Variants in NOP2 observed in about 807,000 individuals in gnomAD.
The protein encoded by NOP2 is NOP2 nucleolar protein.
NOP2 carries 7 observed loss-of-function variants against 72.7 expected under a neutral mutation model. The observed-to-expected ratio is 0.10, with a 90% CI of 0.05 to 0.18. The LOEUF (loss-of-function observed/expected upper bound fraction) is 0.18. NOP2 is among the 10% of genes least tolerant of loss of function. The pLI, the probability that NOP2 is intolerant of heterozygous loss-of-function variation, is 1.00. For missense variants in NOP2, 954 were observed against 1,014.7 expected, an observed-to-expected ratio of 0.94 and a Z score of 0.81; for synonymous variants, 387 against 388.0, an observed-to-expected ratio of 1.00 and a Z score of 0.03.
At chr12:6,563,816 A>G (rs757322246) in intron 6 of NOP2, 45 bp from the exon 7 acceptor site, 5 of 1,612,498 alleles carry the variant, frequency 3.1e-6, no homozygotes, top group Admixed American at 1.7e-5. Context: ...ACCAAAACAG[A>G]TACCTCCTCC....
At chr12:6,566,507 T>C (rs749990586) in intron 4 of NOP2, 22 bp downstream of exon 4, 21 of 1,609,998 alleles carry the variant, frequency 1.3e-5, no homozygotes, top group Non-Finnish European at 1.7e-5. Context: ...TCATGTAGCA[T>C]CCAGCTCTTA....
intron 5 of NOP2, 22 bp downstream of exon 5, chr12:6,566,079 T>C: frequency 6.3e-7 from 1 of 1,577,394 alleles, no homozygotes; most frequent in Non-Finnish European, 8.7e-7. Flanking sequence ...CTTCTATGAA[T>C]GCCCAAAAAG....
intron 9 of NOP2, among the ~76,000 whole-genome samples, chr12:6,562,372 T>A (rs1486355413): frequency 6.6e-6 from 1 of 152,172 alleles, no homozygotes; most frequent in African/African-American, 2.4e-5. Flanking sequence ...CATAAAAACA[T>A]GGCCCATACC....
intron 15 of NOP2, among the ~76,000 whole-genome samples, chr12:6,559,276 G>T (rs1249532115): frequency 6.6e-6 from 1 of 152,128 alleles, no homozygotes; most frequent in Non-Finnish European, 1.5e-5. Flanking sequence ...CCACCACCAA[G>T]CTCAGCTAAT....
intron 15 of NOP2, chr12:6,557,964 G>A (rs1947540657): frequency 2.8e-6 from 1 of 360,724 alleles, no homozygotes; most frequent in Non-Finnish European, 5.2e-6. Context: ...CCCACATGGT[G>A]AAACCATCTC....
chr12:6,567,632 T>G, intron 2 of NOP2, 184 bp downstream of exon 2: 1 of 527,282 alleles, frequency 1.9e-6, no homozygotes, highest in Non-Finnish European at 3.3e-6. Flanking sequence ...GTCCGTGTCT[T>G]CACATCTCTA....
chr12:6,566,762 G>A lies in NOP2; in HGVS notation c.149+15C>T. The A allele has an allele frequency of 6.2e-7, 1 of 1,612,764 alleles. No homozygotes were observed. Among genetic ancestry groups the A allele is most frequent in the Non-Finnish European group, 8.5e-7 (1 of 1,179,208 alleles). Reference sequence around the variant, plus strand: ...TACCAATTTAACCTACTTAAGTTTTGACACCCACACTTACCTCTTTCGAGC... The same window carrying A: ...TACCAATTTAACCTACTTAAGTTTTAACACCCACACTTACCTCTTTCGAGC... On this transcript the variant is annotated intron_variant, in intron 3 of 15. Transcript: ENST00000322166.
At chr12:6,562,987 G>A in intron 9 of NOP2, 94 bp downstream of exon 9, 1 of 1,255,020 alleles carries the variant, frequency 8.0e-7, no homozygotes, top group Non-Finnish European at 1.1e-6. Context: ...AGGTCCTAAG[G>A]CCCCACCCAG....
intron 5 of NOP2, 84 bp from the exon 6 acceptor site, chr12:6,564,030 G>C (rs1396105969): frequency 6.5e-7 from 1 of 1,547,640 alleles, no homozygotes; most frequent in Non-Finnish European, 8.7e-7. Context: ...TTATTTTTTC[G>C]CTAAATAAAA....
rs556782635 is a variant in NOP2, at chr12:6,561,578, A to G, written c.1207+86T>C. ...TACCTGCACATTGTGTTCCATGAGC[A>G]CTAGTGAGTCAGCAACCCCAGCAAC... On this transcript the variant is annotated intron_variant, in intron 11 of 15. Transcript: ENST00000322166. 6.8e-5 allele frequency: 104 copies of G among 1,536,882 alleles called. No individual in the cohort carries two copies. In the African/African-American group the frequency reaches 1.0e-3, roughly 15 times the overall value.
In NOP2 at chr12:6,566,791, A is replaced by C. The variant is rs544971947; in HGVS notation, c.135T>G (p.Ser45Arg). Residue 45 changes from serine to arginine, a missense_variant, in exon 3 of 16, where the codon AGT becomes AGG. Physicochemically the swap from Ser to Arg is moderately radical, Grantham distance 110. This residue lies in a region of NOP2 where 498 missense variants were observed against 478.3 expected (regional missense o/e 1.04). Transcript: ENST00000322166. Reference protein sequence around the residue: ...VSDENSKRLSSRARKRAAKRR... With the variant: ...VSDENSKRLSRRARKRAAKRR... ...CCCACACTTACCTCTTTCGAGCACG[A>C]CTAGACAGCCTCTTGGAATTTTCGT... 7.7e-5 allele frequency: 124 copies of C among 1,613,384 alleles called. 1 individual carries two copies. The South Asian group carries it at 1.1e-3, about 14-fold the overall frequency.
At chr12:6,563,028 G>T in intron 9 of NOP2, 53 bp downstream of exon 9, 1 of 1,485,608 alleles carries the variant, frequency 6.7e-7, no homozygotes, top group South Asian at 1.2e-5. Flanking sequence ...CTCTGGAGTT[G>T]GCAGAAGTCA....
rs941112314 is a variant in NOP2, at chr12:6,557,536, T to C, written c.1896A>G (p.Thr632=). The stretch of plus-strand genomic sequence containing the variant: ...GTTGCTGTTTCTGCAGCTGCTGCTT[T>C]GTCTTTGCAGCCCCCTTGGCTTTCT... ...PAKKAKGAAK[T]KQQLQKQQHP... is the part of the protein sequence containing the mutation. The change falls in exon 16 of 16, where the codon ACA becomes ACG. Residue 632 remains threonine (T), a synonymous_variant. Transcript: ENST00000322166. The C allele has an allele frequency of 1.9e-6, 3 of 1,613,952 alleles. No individual in the cohort carries two copies. The highest frequency in any genetic ancestry group is 8.5e-7 in the Non-Finnish European group (1 of 1,179,876).
Position 6,563,596 on chromosome 12 carries a change from T to G in NOP2, c.688+18A>C. The G allele has an allele frequency of 1.2e-6, 2 of 1,608,882 alleles. No homozygotes were observed. The highest frequency in any genetic ancestry group is 1.7e-6 in the Non-Finnish European group (2 of 1,176,830). ...AACCACCTTCCTCCTAACTCTTCAC[T>G]CTGCCCTGCAAGGATATCCTGCTCC... is the stretch of plus-strand genomic sequence containing the variant. On this transcript the variant is annotated intron_variant, in intron 7 of 15. Coordinates refer to ENST00000322166, the MANE Select transcript of NOP2 (RefSeq NM_001258308.2).
At chr12:6,565,727 A>C (rs1297576260) in intron 5 of NOP2, among the ~76,000 whole-genome samples, 1 of 152,132 alleles carries the variant, frequency 6.6e-6, no homozygotes, top group Non-Finnish European at 1.5e-5. Flanking sequence ...CTCCTGCCTC[A>C]GCCTCCCAAA....
At chr12:6,562,703 G>T (rs1212065241) in intron 9 of NOP2, among the ~76,000 whole-genome samples, 1 of 152,178 alleles carries the variant, frequency 6.6e-6, no homozygotes, top group African/African-American at 2.4e-5. Flanking sequence ...TACAACAGGG[G>T]TCTTTAACCT....
chr12:6,567,689 C>G, intron 2 of NOP2, 127 bp downstream of exon 2: 2 of 704,692 alleles, frequency 2.8e-6, no homozygotes, highest in Non-Finnish European at 4.7e-6. Context: ...TCATTCATAC[C>G]TCCTAGTAAC....
chr12:6,563,662 C>T lies in NOP2; in HGVS notation c.640G>A (p.Val214Met). 6.2e-7 allele frequency: 1 copy of T among 1,613,698 alleles called. No homozygotes were observed. Among genetic ancestry groups the T allele is most frequent in the South Asian group, 1.1e-5 (1 of 91,022 alleles). ...EEADGGLQIN[V>M]DEEPFVLPPA... ...GGCAGCACAAATGGTTCCTCATCCA[C>T]ATTGATCTGCAGGCCCCCATCTGCC... is the stretch of plus-strand genomic sequence containing the variant. Residue 214 changes from valine (V) to methionine (M), a missense_variant, in exon 7 of 16, where the codon GTG becomes ATG. This residue lies in a region of NOP2 where 498 missense variants were observed against 478.3 expected (regional missense o/e 1.04). Coordinates refer to ENST00000322166, the MANE Select transcript of NOP2 (RefSeq NM_001258308.2).
chr12:6,562,673 T>C (rs1215386034), intron 9 of NOP2, among the ~76,000 whole-genome samples: 2 of 152,196 alleles, frequency 1.3e-5, no homozygotes, highest in Non-Finnish European at 2.9e-5. Flanking sequence ...ATACAACACA[T>C]ATAACCCAAC....
Sources: allele counts gnomAD v4.1 joint callset (sites outside exome capture counted in the v4.1 genomes callset), GRCh38; gene constraint gnomAD v4.1.1; regional missense constraint gnomAD v4.1.1; transcripts MANE v1.5; gene names NCBI Gene and HGNC (gene_info 2026-07-23, HGNC 2026-07-21).